The following EEFSEC variants were observed in gnomAD, a reference collection of about 807,000 sequenced individuals.
EEFSEC encodes the protein eukaryotic elongation factor, selenocysteine-tRNA specific.
A neutral mutation model predicts 42.1 loss-of-function variants in EEFSEC; 43 were observed. That is an observed-to-expected ratio of 1.02 (90% CI 0.80 to 1.32). The LOEUF (loss-of-function observed/expected upper bound fraction) is 1.32, where lower values mean the gene tolerates loss of function less well. Ranked by LOEUF, EEFSEC falls within the 40% of genes most tolerant of loss-of-function variation. EEFSEC has a pLI of 0.00. For synonymous variants in EEFSEC, 354 were observed against 339.1 expected (o/e 1.04, Z -0.48); for missense variants, 745 against 803.6 (o/e 0.93, Z 0.88).
the EEFSEC span, among the ~76,000 whole-genome samples, chr3:128,421,923 T>G: frequency 6.6e-6 from 1 of 151,976 alleles, no homozygotes; most frequent in African/African-American, 2.4e-5. Flanking sequence ...GACAGAGAGC[T>G]CCCTCCGCAC....
At chr3:128,338,667 C>T (rs771316644) in intron 4 of EEFSEC, among the ~76,000 whole-genome samples, 3 of 152,190 alleles carry the variant, frequency 2.0e-5, no homozygotes, top group Non-Finnish European at 4.4e-5. Context: ...GCTACGTTTT[C>T]AGGGTTGGGG....
At chr3:128,398,870 G>A (rs2068014749) in intron 6 of EEFSEC, among the ~76,000 whole-genome samples, 1 of 152,108 alleles carries the variant, frequency 6.6e-6, no homozygotes, top group Non-Finnish European at 1.5e-5. Context: ...ATTCCAGAGG[G>A]GTAGGCTGAG....
intron 2 of EEFSEC, 63 bp from the exon 3 acceptor site, chr3:128,262,065 G>A (rs2066302556): frequency 1.3e-6 from 2 of 1,515,462 alleles, no homozygotes; most frequent in Admixed American, 3.4e-5. Flanking sequence ...GTGCTTCATG[G>A]ACGTGCTTTG....
chr3:128,206,629 G>A (rs1392184644), intron 1 of EEFSEC, among the ~76,000 whole-genome samples: 1 of 152,160 alleles, frequency 6.6e-6, no homozygotes, highest in Non-Finnish European at 1.5e-5. Context: ...TGTGTGAAGA[G>A]GTGAAAACCT....
At chr3:128,264,887 G>A (rs964016546) in intron 4 of EEFSEC, 106 bp downstream of exon 4, 13 of 1,360,716 alleles carry the variant, frequency 9.6e-6, no homozygotes, top group African/African-American at 1.5e-5. Context: ...GCCTGCCCTG[G>A]GACTCCCACT....
intron 6 of EEFSEC, among the ~76,000 whole-genome samples, chr3:128,390,395 C>A (rs1231447065): frequency 2.0e-5 from 3 of 152,196 alleles, no homozygotes; most frequent in Admixed American, 6.5e-5. Flanking sequence ...GGGGAAGGGA[C>A]CTTTTCGCCT....
chr3:128,362,258 G>C, intron 6 of EEFSEC: 1 of 517,194 alleles, frequency 1.9e-6, no homozygotes, highest in Middle Eastern at 3.5e-4. Flanking sequence ...TGGGACAACA[G>C]CTTCCGCAGC....
intron 6 of EEFSEC, among the ~76,000 whole-genome samples, chr3:128,374,249 T>G (rs1164600701): frequency 6.6e-6 from 1 of 152,256 alleles, no homozygotes; most frequent in African/African-American, 2.4e-5. Flanking sequence ...GTCATACTGC[T>G]GCTTTCCTTG....
At position 128,327,316 on chromosome 3, in the gene EEFSEC, C is replaced by A. The variant is rs576811709; in HGVS notation, c.787-13917C>A. Among the ~76,000 whole-genome samples the A allele has an allele frequency of 1.7e-4, 26 of 148,750 alleles. No homozygotes were observed. The East Asian group carries it at 4.9e-3, about 28-fold the overall frequency. ...TCCCCCCCCCCCCAAGGTTGTCCCC[C>A]TCTCTCCCGATCTCATTTGTATGTC... On this transcript the variant is annotated intron_variant, in intron 4 of 6. Coordinates refer to ENST00000254730, the MANE Select transcript of EEFSEC (RefSeq NM_021937.5).
intron 4 of EEFSEC, among the ~76,000 whole-genome samples, chr3:128,306,275 G>A (rs938835711): frequency 1.3e-5 from 2 of 152,082 alleles, no homozygotes; most frequent in African/African-American, 2.4e-5. Flanking sequence ...TATAATATAG[G>A]TCTTAGTTCA....
intron 4 of EEFSEC, among the ~76,000 whole-genome samples, chr3:128,288,790 G>A (rs1451862924): frequency 1.3e-5 from 2 of 152,184 alleles, no homozygotes; most frequent in Admixed American, 6.5e-5. Flanking sequence ...AGAACCAAAG[G>A]CCTGTGCTAT....
chr3:128,333,877 G>A (rs1341368833), intron 4 of EEFSEC, among the ~76,000 whole-genome samples: 2 of 152,242 alleles, frequency 1.3e-5, no homozygotes, highest in African/African-American at 4.8e-5. Flanking sequence ...TTGAAAGACA[G>A]TCGAAAAGCC....
At chr3:128,175,138 T>TC (rs140010553) in intron 1 of EEFSEC, among the ~76,000 whole-genome samples, 1 of 131,218 alleles carries the variant, frequency 7.6e-6, no homozygotes. Flanking sequence ...TTCCCACGCC[T>TC]CCCCCCGCTC....
At chr3:128,161,917 G>T (rs994083961) in intron 1 of EEFSEC, among the ~76,000 whole-genome samples, 1 of 152,194 alleles carries the variant, frequency 6.6e-6, no homozygotes, top group African/African-American at 2.4e-5. Context: ...ATAACATACT[G>T]GGGGCTTGAC....
chr3:128,268,409 T>TTTG (rs2066377920), intron 4 of EEFSEC, among the ~76,000 whole-genome samples: 1 of 152,060 alleles, frequency 6.6e-6, no homozygotes, highest in Non-Finnish European at 1.5e-5. Context: ...TTGGGGGATG[T>TTTG]TTGAAGAGGT....
intron 1 of EEFSEC, among the ~76,000 whole-genome samples, chr3:128,243,799 G>T (rs1173817737): frequency 6.6e-6 from 1 of 152,164 alleles, no homozygotes; most frequent in Non-Finnish European, 1.5e-5. Flanking sequence ...AGAAATTGTG[G>T]GCTGGGTCCC....
intron 1 of EEFSEC, among the ~76,000 whole-genome samples, chr3:128,203,912 A>G (rs1369884048): frequency 1.3e-5 from 2 of 152,276 alleles, no homozygotes; most frequent in Non-Finnish European, 2.9e-5. Context: ...AACAGGAAAC[A>G]TGGTTACCAA....
chr3:128,325,014 G>C (rs1287808646), intron 4 of EEFSEC, among the ~76,000 whole-genome samples: 1 of 152,206 alleles, frequency 6.6e-6, no homozygotes, highest in Admixed American at 6.5e-5. Flanking sequence ...ATAACAAAGA[G>C]AGATAACGGC....
chr3:128,206,842 C>G (rs2065702247), intron 1 of EEFSEC, among the ~76,000 whole-genome samples: 1 of 152,156 alleles, frequency 6.6e-6, no homozygotes, highest in Non-Finnish European at 1.5e-5. Context: ...GCCCTGCCGA[C>G]TTCTCACGGC....
Sources: gnomAD v4.1 joint callset for allele counts (sites outside exome capture counted in the v4.1 genomes callset) on GRCh38, gnomAD v4.1.1 for gene constraint, MANE v1.5 for transcripts, NCBI Gene and HGNC (gene_info 2026-07-23, HGNC 2026-07-21) for gene names.